The following CTNNA3 variants were observed in gnomAD, a reference collection of about 807,000 sequenced individuals.
The protein encoded by CTNNA3 is catenin alpha-3.
CTNNA3 carries 76 observed loss-of-function variants against 95.7 expected under a neutral mutation model. The observed-to-expected ratio is 0.79, with a 90% CI of 0.66 to 0.96. CTNNA3 has a LOEUF of 0.96. Ranked by LOEUF, CTNNA3 falls within the 40% of genes least tolerant of loss-of-function variation. The pLI, the probability that CTNNA3 is intolerant of heterozygous loss-of-function variation, is 0.00. For synonymous variants in CTNNA3, 431 were observed against 374.4 expected (o/e 1.15, Z -1.74); for missense variants, 1,191 against 1,089.8 (o/e 1.09, Z -1.31).
chr10:66,225,235 T>G (rs2089212440), intron 13 of CTNNA3, among the ~76,000 whole-genome samples: 1 of 151,720 alleles, frequency 6.6e-6, no homozygotes, highest in African/African-American at 2.4e-5. Context: ...ATCACAGTTT[T>G]CACGGTTTAC....
intron 9 of CTNNA3, among the ~76,000 whole-genome samples, chr10:66,634,796 T>C (rs1845279480): frequency 6.6e-6 from 1 of 152,094 alleles, no homozygotes; most frequent in Non-Finnish European, 1.5e-5. Flanking sequence ...ATGTCAACAT[T>C]GTTCTGAAAA....
At chr10:66,445,180 T>G (rs28765986) in intron 11 of CTNNA3, among the ~76,000 whole-genome samples, 56,463 of 142,696 alleles carry the variant, frequency 0.4, 11,217 homozygotes, top group African/African-American at 0.54. Flanking sequence ...AGCAAGTCCT[T>G]AGTGACCTAC....
At chr10:67,021,607 T>C (rs960190353) in intron 7 of CTNNA3, among the ~76,000 whole-genome samples, 5 of 151,998 alleles carry the variant, frequency 3.3e-5, no homozygotes, top group Non-Finnish European at 7.4e-5. Context: ...ATGAGAAACA[T>C]GTAAAAATGG....
At chr10:66,326,000 T>C (rs1193066947) in intron 12 of CTNNA3, among the ~76,000 whole-genome samples, 1 of 152,156 alleles carries the variant, frequency 6.6e-6, no homozygotes, top group African/African-American at 2.4e-5. Context: ...ATTACTCAAT[T>C]TTAAAAGCCT....
intron 5 of CTNNA3, among the ~76,000 whole-genome samples, chr10:67,443,518 G>A (rs1846614954): frequency 6.6e-6 from 1 of 152,064 alleles, no homozygotes; most frequent in Non-Finnish European, 1.5e-5. Context: ...TCTCATTGTG[G>A]TTTTGATTTG....
intron 11 of CTNNA3, 48 bp downstream of exon 11, chr10:66,520,569 A>G (rs201964966): frequency 2.2e-4 from 346 of 1,538,818 alleles, no homozygotes; most frequent in Middle Eastern, 3.4e-4. Context: ...ATTCTATTTT[A>G]TAAAATTGAC....
rs140422081 is a variant in CTNNA3, at chr10:67,384,024, G to C, written c.579+137818C>G. 3.2e-3 allele frequency among the ~76,000 whole-genome samples: 491 copies of C among 151,932 alleles called. 4 individuals are homozygous for C. The highest frequency in any genetic ancestry group is 0.011 in the African/African-American group (468 of 41,422). On this transcript the variant is annotated intron_variant, in intron 5 of 17. Transcript: ENST00000433211. ...TCCTTACCATTTACACCATTAGATT[G>C]TATAGCATTAAGATAAATCTACACT...
At chr10:65,923,073 G>T (rs972631708) in intron 17 of CTNNA3, among the ~76,000 whole-genome samples, 1 of 152,088 alleles carries the variant, frequency 6.6e-6, no homozygotes, top group African/African-American at 2.4e-5. Context: ...ATTACAGGTC[G>T]CTCCCTCACA....
At chr10:66,348,887 G>A (rs980175421) in intron 12 of CTNNA3, among the ~76,000 whole-genome samples, 1 of 151,946 alleles carries the variant, frequency 6.6e-6, no homozygotes, top group Non-Finnish European at 1.5e-5. Flanking sequence ...TGGTACCAGG[G>A]GATTTATGGT....
intron 9 of CTNNA3, among the ~76,000 whole-genome samples, chr10:66,629,598 C>T (rs978964807): frequency 6.6e-6 from 1 of 152,108 alleles, no homozygotes; most frequent in African/African-American, 2.4e-5. Flanking sequence ...TTGCAGCCAA[C>T]AAATTTTTTC....
chr10:67,758,357 T>C (rs950600001), intron 1 of CTNNA3, among the ~76,000 whole-genome samples: 43 of 136,724 alleles, frequency 3.1e-4, no homozygotes, highest in African/African-American at 7.1e-4. Context: ...CACACACACA[T>C]ATATCTTAGC....
In CTNNA3 at chr10:66,179,652, C is replaced by T. The variant is rs544510919; in HGVS notation, c.1885-76403G>A. On this transcript the variant is annotated intron_variant, in intron 13 of 17. Transcript: ENST00000433211. ...GAAAGGATCTCCATAAAGGCAATCA[C>T]AAAGGAAAGCTCTTCTAGGTTTTTG... 4.6e-5 allele frequency among the ~76,000 whole-genome samples: 7 copies of T among 152,186 alleles called. No homozygotes were observed. The South Asian group carries it at 1.4e-3, about 32-fold the overall frequency.
At chr10:67,046,189 T>C (rs1176782211) in intron 7 of CTNNA3, among the ~76,000 whole-genome samples, 2 of 152,178 alleles carry the variant, frequency 1.3e-5, no homozygotes, top group Admixed American at 1.3e-4. Flanking sequence ...AATTATAACA[T>C]AGTTAATGGG....
At chr10:66,379,080 A>C in intron 12 of CTNNA3, 72 bp downstream of exon 12, 1 of 1,255,226 alleles carries the variant, frequency 8.0e-7, no homozygotes, top group Non-Finnish European at 1.2e-6. Flanking sequence ...TCTTTCCCAC[A>C]TGTATGAATA....
intron 1 of CTNNA3, among the ~76,000 whole-genome samples, chr10:67,722,384 T>C (rs1185344642): frequency 6.6e-6 from 1 of 152,194 alleles, no homozygotes; most frequent in Non-Finnish European, 1.5e-5. Flanking sequence ...AAAGCATGAA[T>C]CATATGTCAT....
intron 3 of CTNNA3, among the ~76,000 whole-genome samples, chr10:67,597,592 A>C (rs1842966628): frequency 6.6e-6 from 1 of 152,140 alleles, no homozygotes. Flanking sequence ...GACCAAGCCC[A>C]CAGCTTTGTT....
chr10:67,750,802 C>A, intron 1 of CTNNA3: 4 of 1,609,536 alleles, frequency 2.5e-6, no homozygotes, highest in Non-Finnish European at 3.4e-6. Context: ...CTTGAACAAA[C>A]CTGGACTGAA....
At chr10:67,204,957 T>C (rs76529349) in intron 6 of CTNNA3, among the ~76,000 whole-genome samples, 4,098 of 152,250 alleles carry the variant, frequency 0.027, 140 homozygotes, top group African/African-American at 0.081. Context: ...CGCTCTGTAA[T>C]AGTGATGTTA....
At chr10:66,715,878 A>G (rs1848434566) in intron 9 of CTNNA3, among the ~76,000 whole-genome samples, 1 of 152,068 alleles carries the variant, frequency 6.6e-6, no homozygotes, top group African/African-American at 2.4e-5. Context: ...AGAAAATTCA[A>G]ATATATTTCA....
Sources: allele counts gnomAD v4.1 joint callset (sites outside exome capture counted in the v4.1 genomes callset), GRCh38; gene constraint gnomAD v4.1.1; transcripts MANE v1.5; gene names NCBI Gene and HGNC (gene_info 2026-07-23, HGNC 2026-07-21).